The following CNMD variants were observed in gnomAD, a reference collection of about 807,000 sequenced individuals.
CNMD encodes leukocyte cell-derived chemotaxin 1.
CNMD carries 30 observed loss-of-function variants against 37.5 expected under a neutral mutation model. The ratio of observed to expected loss-of-function variants is 0.80; its 90% CI spans 0.60 to 1.09. The LOEUF is 1.09. Among genes scored for constraint, CNMD ranks in the 50% least tolerant of loss-of-function variants. CNMD has a pLI of 0.00. For missense variants in CNMD, 398 were observed against 423.9 expected (o/e 0.94, Z 0.54); for synonymous variants, 167 against 148.2 (o/e 1.13, Z -0.92).
Position 52,710,178 on chromosome 13 carries a change from T to C in CNMD, c.623-1476A>G, listed in dbSNP as rs576993925. On this transcript the variant is annotated intron_variant, in intron 5 of 6. Transcript: ENST00000377962. ...GAGGATTATATCATGCTTTGTTATTTAGGAGAACTAAGATGTGCTTTAAAG... is the reference window on the plus strand; with the variant it reads ...GAGGATTATATCATGCTTTGTTATTCAGGAGAACTAAGATGTGCTTTAAAG... 2.0e-5 allele frequency among the ~76,000 whole-genome samples: 3 copies of C among 152,322 alleles called. No homozygotes were observed. The South Asian group carries it at 6.2e-4, about 32-fold the overall frequency.
At position 52,739,100 on chromosome 13, in the gene CNMD, A is replaced by C; in HGVS notation, c.144T>G (p.Ile48Met). 1 of 1,575,096 alleles carries C rather than the reference A, an allele frequency of 6.3e-7. No individual in the cohort carries two copies. Among genetic ancestry groups the C allele is most frequent in the East Asian group, 2.5e-5 (1 of 39,596 alleles). Residue 48 changes from isoleucine to methionine, a missense_variant, in exon 2 of 7, where the codon ATT becomes ATG. Ile to Met is a conservative substitution (Grantham distance 10, BLOSUM62 1). Transcript: ENST00000377962. The surrounding 1 kb of genome is among the most constrained non-coding windows in gnomAD (Gnocchi z 5.4). Reference protein sequence around the residue: ...RLLKVGAVVLISGAVLLLFGA... With the variant: ...RLLKVGAVVLMSGAVLLLFGA... ...CAAAGAGCAGCAGCACAGCTCCCGA[A>C]ATGAGGACCACGGCTCCCACCTTGA...
intron 3 of CNMD, 137 bp downstream of exon 3, chr13:52,733,082 G>A (rs748102273): frequency 4.7e-5 from 38 of 806,418 alleles, no homozygotes; most frequent in Middle Eastern, 4.5e-4. Flanking sequence ...GCTACATGTA[G>A]TGGATTAGTG....
intron 4 of CNMD, 81 bp downstream of exon 4, chr13:52,723,903 TAAAAATAAAAACA>T (rs1964523734): frequency 3.7e-6 from 3 of 808,990 alleles, no homozygotes; most frequent in Middle Eastern, 2.3e-4. Flanking sequence ...TCAATAAAAA[TAAAAATAAAAACA>T]AAAAATAAAA....
chr13:52,720,050 C>T (rs963920885), intron 4 of CNMD, among the ~76,000 whole-genome samples: 1 of 152,108 alleles, frequency 6.6e-6, no homozygotes, highest in African/African-American at 2.4e-5. Flanking sequence ...TCTCTAATCT[C>T]GTCTTCATGC....
chr13:52,721,445 G>T (rs1964480269), intron 4 of CNMD, among the ~76,000 whole-genome samples: 1 of 152,214 alleles, frequency 6.6e-6, no homozygotes, highest in Admixed American at 6.5e-5. Flanking sequence ...GAATCTCCTG[G>T]CCTGCAGGTT....
chr13:52,708,227 G>A (rs1174907334), intron 6 of CNMD, among the ~76,000 whole-genome samples: 1 of 151,670 alleles, frequency 6.6e-6, no homozygotes, highest in African/African-American at 2.4e-5. Flanking sequence ...TGTCACCCAG[G>A]CTGAAGTGCA....
At position 52,724,002 on chromosome 13, in the gene CNMD, TGGA is replaced by T. The variant is rs1260242664; in HGVS notation, c.460_462del (p.Ser154del). 6.2e-7 allele frequency: 1 copy of T among 1,606,468 alleles called. No homozygotes were observed. The highest frequency in any genetic ancestry group is 1.3e-5 in the African/African-American group (1 of 74,798). ...TCAGGCATGTTGGTACCCACCAGTT[TGGA>T]GGAGATGCTCTGTTTGGTCACGGCG... On this transcript the variant is annotated inframe_deletion, in exon 4 of 7. Transcript: ENST00000377962.
Position 52,703,721 on chromosome 13 carries a change from G to T in CNMD, c.879C>A (p.Cys293Ter). 1 of 1,613,346 alleles carries T rather than the reference G, an allele frequency of 6.2e-7. No homozygotes were observed. The highest frequency in any genetic ancestry group is 8.5e-7 in the Non-Finnish European group (1 of 1,179,242). The change falls in exon 7 of 7, where the codon TGC (cysteine) becomes TGA (stop). Residue 293 changes from cysteine (C) to a stop codon, truncating the protein, a stop_gained. Transcript: ENST00000377962. LOFTEE classifies it high-confidence loss of function. Reference protein sequence around the residue: ...CIECRRSYTHCQKICEPLGGY... With the variant: ...CIECRRSYTH Reference sequence around the variant, plus strand: ...CCCCCAGGGGTTCACAGATCTTCTGGCAGTGGGTGTAGCTCCGCCTACATT... The same window carrying T: ...CCCCCAGGGGTTCACAGATCTTCTGTCAGTGGGTGTAGCTCCGCCTACATT...
intron 4 of CNMD, among the ~76,000 whole-genome samples, chr13:52,718,258 GTCTA>G (rs912330337): frequency 4.6e-5 from 7 of 152,042 alleles, no homozygotes; most frequent in Non-Finnish European, 8.8e-5. Flanking sequence ...CTGGCTAGTA[GTCTA>G]TCTATTTGTT....
intron 3 of CNMD, among the ~76,000 whole-genome samples, chr13:52,724,877 A>C (rs1964547424): frequency 6.6e-6 from 1 of 152,158 alleles, no homozygotes; most frequent in Non-Finnish European, 1.5e-5. Context: ...CTTGGGTGAC[A>C]GAACGAGGCT....
intron 6 of CNMD, among the ~76,000 whole-genome samples, chr13:52,705,081 A>G (rs1276544733): frequency 6.6e-6 from 1 of 151,850 alleles, no homozygotes; most frequent in Non-Finnish European, 1.5e-5. Context: ...AATTTCAAAC[A>G]TACTGGAGAG....
intron 3 of CNMD, among the ~76,000 whole-genome samples, chr13:52,727,367 A>C (rs1368599914): frequency 6.6e-6 from 1 of 152,116 alleles, no homozygotes. Flanking sequence ...ATAAATAAAA[A>C]AGAATAAAAA....
intron 4 of CNMD, among the ~76,000 whole-genome samples, chr13:52,717,555 G>A (rs553450785): frequency 3.3e-5 from 5 of 152,194 alleles, no homozygotes; most frequent in East Asian, 1.9e-4. Flanking sequence ...AGCATGAAGC[G>A]GTGTTAAATT....
Position 52,703,352 on chromosome 13 carries a change from T to C in CNMD, c.*243A>G, listed in dbSNP as rs1964115010. The C allele has an allele frequency of 2.5e-6, 1 of 392,614 alleles. No homozygotes were observed. The highest frequency in any genetic ancestry group is 7.4e-5 in the South Asian group (1 of 13,582). 24.3% of individuals were successfully genotyped at this position (392,614 alleles called of 1,614,324 possible). A position where few individuals can be genotyped will look rare whatever the true frequency, so the allele number is the denominator to read the frequency against. ...AAGACTTATGGCAAAGCAATGCAAA[T>C]AAAAAATAACAAATAATAAAGGGGT... On this transcript the variant is annotated 3_prime_UTR_variant, in exon 7 of 7. Transcript: ENST00000377962.
chr13:52,718,655 A>G (rs897794208), intron 4 of CNMD, among the ~76,000 whole-genome samples: 1 of 152,146 alleles, frequency 6.6e-6, no homozygotes, highest in Non-Finnish European at 1.5e-5. Flanking sequence ...TGCAGTTTTG[A>G]GTGAGTTTCT....
chr13:52,712,261 G>C (rs1964301451), intron 5 of CNMD, among the ~76,000 whole-genome samples: 1 of 152,210 alleles, frequency 6.6e-6, no homozygotes, highest in South Asian at 2.1e-4. Context: ...CTGAACTTGA[G>C]AGGAATCTCA....
At position 52,739,012 on chromosome 13, in the gene CNMD, C is replaced by T. The variant is rs375771883; in HGVS notation, c.213+19G>A. The T allele has an allele frequency of 2.8e-4, 430 of 1,552,066 alleles. 3 individuals are homozygous for T. In the South Asian group the frequency reaches 4.5e-3, roughly 16 times the overall value. On this transcript the variant is annotated intron_variant, in intron 2 of 6. Coordinates refer to ENST00000377962, the MANE Select transcript of CNMD (RefSeq NM_007015.3). The surrounding 1 kb of genome is among the most constrained non-coding windows in gnomAD (Gnocchi z 5.4). ...CATGGGCGACACGGGGGTCCCCGCG[C>T]GCCGCCCTCTGGACTTACGTGACTG...
chr13:52,733,414 T>G, intron 2 of CNMD, 55 bp from the exon 3 acceptor site: 1 of 1,552,398 alleles, frequency 6.4e-7, no homozygotes, highest in Non-Finnish European at 8.9e-7. Context: ...ATTCAGGGCT[T>G]ATCTTTAGAA....
At chr13:52,733,439 G>A (rs763780195) in intron 2 of CNMD, 80 bp from the exon 3 acceptor site, 3 of 1,245,408 alleles carry the variant, frequency 2.4e-6, no homozygotes, top group Non-Finnish European at 3.6e-6. Context: ...AGTGTATGAG[G>A]TAGTGTCCAT....
Sources: gnomAD v4.1 joint callset for allele counts (sites outside exome capture counted in the v4.1 genomes callset) on GRCh38, gnomAD v4.1.1 for gene constraint, Gnocchi (gnomAD v3.1) non-coding constraint, MANE v1.5 for transcripts, NCBI Gene and HGNC (gene_info 2026-07-23, HGNC 2026-07-21) for gene names.